TRAF3IP1: variants seen among roughly 807,000 people sequenced by gnomAD.
TRAF3IP1 encodes intraflagellar transport 54, also known as TRAF3-interacting protein 1.
Under a neutral mutation model 89.9 loss-of-function variants are expected in TRAF3IP1, and 53 were observed. That is an observed-to-expected ratio of 0.59 (90% CI 0.47 to 0.74). The LOEUF is 0.74. Among genes scored for constraint, TRAF3IP1 ranks in the 30% least tolerant of loss-of-function variants. The pLI, the probability that TRAF3IP1 is intolerant of heterozygous loss-of-function variation, is 0.00. For synonymous variants in TRAF3IP1, 311 were observed against 322.1 expected, an observed-to-expected ratio of 0.97 and a Z score of 0.37; for missense variants, 806 against 866.1, an observed-to-expected ratio of 0.93 and a Z score of 0.87.
chr2:238,356,196 A>G (rs1168845510), intron 15 of TRAF3IP1, 116 bp downstream of exon 15: 2 of 896,116 alleles, frequency 2.2e-6, no homozygotes, highest in Admixed American at 2.2e-5. Context: ...GTCTGTTTGC[A>G]TATTTAAATG....
intron 8 of TRAF3IP1, among the ~76,000 whole-genome samples, chr2:238,340,812 C>CGTGTGT (rs71414327): frequency 0.075 from 11,185 of 149,342 alleles, 463 homozygotes; most frequent in Non-Finnish European, 0.077. Context: ...TACAGTTATG[C>CGTGTGT]GTGTGTGTGT....
At chr2:238,355,947 A>G (rs1289689430) in intron 14 of TRAF3IP1, 57 bp from the exon 15 acceptor site, 12 of 1,325,922 alleles carry the variant, frequency 9.1e-6, no homozygotes, top group Non-Finnish European at 1.3e-5. Flanking sequence ...CCCATTTAGA[A>G]TAGGTTTTTG....
chr2:238,366,511 G>A (rs1699882872), intron 15 of TRAF3IP1, among the ~76,000 whole-genome samples: 1 of 151,998 alleles, frequency 6.6e-6, no homozygotes, highest in Non-Finnish European at 1.5e-5. Context: ...TAGCTGTATT[G>A]TCACAAACAT....
chr2:238,381,898 A>G lies in TRAF3IP1; in HGVS notation c.1690-15561A>G, dbSNP rs566753274. ...AAAATGACATGAAGACAGGCTGAGA[A>G]GGAAAGGGGCTGGCGGGTAGGAAGC... On this transcript the variant is annotated intron_variant, in intron 15 of 16. Coordinates refer to ENST00000373327, the MANE Select transcript of TRAF3IP1 (RefSeq NM_015650.4). Among the ~76,000 whole-genome samples, 3 of 152,280 alleles carry G rather than the reference A, an allele frequency of 2.0e-5. No individual in the cohort carries two copies. The East Asian group carries it at 5.8e-4, about 29-fold the overall frequency.
rs566674859 is a variant in TRAF3IP1 at position 238,347,354 on chromosome 2, A to G, written c.1262-101A>G. 2.9e-4 allele frequency: 368 copies of G among 1,281,888 alleles called. 1 individual carries two copies. The highest frequency in any genetic ancestry group is 3.9e-4 in the Non-Finnish European group (350 of 891,952). 79.4% of individuals were successfully genotyped at this position (1,281,888 alleles called of 1,614,324 possible). A position where few individuals can be genotyped will look rare whatever the true frequency, so the allele number is the denominator to read the frequency against. ...ATCTTTTTTTCTTAGCAGACATCCA[A>G]AATTATGTACAGTGTGTTTTTTCTC... On this transcript the variant is annotated intron_variant, in intron 9 of 16. Coordinates refer to ENST00000373327, the MANE Select transcript of TRAF3IP1 (RefSeq NM_015650.4).
rs142505640 is a variant in TRAF3IP1 at position 238,374,426 on chromosome 2, G to A, written c.1689+18346G>A. 1.0e-3 allele frequency among the ~76,000 whole-genome samples: 157 copies of A among 152,274 alleles called. 2 individuals carry two copies. The highest frequency in any genetic ancestry group is 3.5e-3 in the African/African-American group (147 of 41,550). ...CGGTTCTGTTTATGTGATGGATTAC[G>A]TTTATTGATTTGTGTGTGTTGAACC... On this transcript the variant is annotated intron_variant, in intron 15 of 16. Transcript: ENST00000373327.
At chr2:238,346,314 C>T (rs1698891822) in intron 9 of TRAF3IP1, among the ~76,000 whole-genome samples, 1 of 152,178 alleles carries the variant, frequency 6.6e-6, no homozygotes, top group Admixed American at 6.5e-5. Context: ...CTATCTGGAA[C>T]CACATTCTCC....
At chr2:238,392,088 G>A (rs575967713) in intron 15 of TRAF3IP1, among the ~76,000 whole-genome samples, 3 of 152,176 alleles carry the variant, frequency 2.0e-5, no homozygotes, top group African/African-American at 7.2e-5. Context: ...AATAATAGAC[G>A]CCCAGGTGTG....
intron 15 of TRAF3IP1, among the ~76,000 whole-genome samples, chr2:238,383,033 G>A (rs928141393): frequency 6.6e-6 from 1 of 152,052 alleles, no homozygotes; most frequent in Admixed American, 6.6e-5. Context: ...CCACCTCCCT[G>A]CCTGTCTCTA....
At chr2:238,349,500 A>G (rs1364696942) in intron 12 of TRAF3IP1, 92 bp downstream of exon 12, 6 of 1,317,680 alleles carry the variant, frequency 4.6e-6, no homozygotes, top group Non-Finnish European at 6.4e-6. Flanking sequence ...GGGAAGCAGC[A>G]CATGGTGCTG....
In TRAF3IP1 at chr2:238,353,993, C is replaced by G. The variant is rs934561262; in HGVS notation, c.1612+784C>G. Reference sequence around the variant, plus strand: ...TTCGCTACGTTGGCCAGGCTGGTCTCCAATTTCTAACCTCAAGTGATCCAC... The same window carrying G: ...TTCGCTACGTTGGCCAGGCTGGTCTGCAATTTCTAACCTCAAGTGATCCAC... On this transcript the variant is annotated intron_variant, in intron 14 of 16. Transcript: ENST00000373327. Among the ~76,000 whole-genome samples, 3 of 152,162 alleles carry G rather than the reference C, an allele frequency of 2.0e-5. No homozygotes were observed. The East Asian group carries it at 5.8e-4, about 29-fold the overall frequency.
chr2:238,335,513 C>T (rs985446870), intron 7 of TRAF3IP1, among the ~76,000 whole-genome samples: 1 of 151,988 alleles, frequency 6.6e-6, no homozygotes, highest in Non-Finnish European at 1.5e-5. Context: ...AAGTTTTAAG[C>T]CATCTTATTT....
chr2:238,329,369 T>C, intron 5 of TRAF3IP1, 27 bp downstream of exon 5: 1 of 1,340,964 alleles, frequency 7.5e-7, no homozygotes. Flanking sequence ...AACCTCGCCT[T>C]TTGCTTAGCA....
intron 8 of TRAF3IP1, among the ~76,000 whole-genome samples, chr2:238,339,067 G>A (rs148550172): frequency 1.3e-5 from 2 of 152,290 alleles, no homozygotes; most frequent in East Asian, 3.9e-4. Flanking sequence ...GACTTTAGGG[G>A]AAGAGGAAAT....
chr2:238,370,289 G>C (rs1224460644), intron 15 of TRAF3IP1, among the ~76,000 whole-genome samples: 2 of 151,990 alleles, frequency 1.3e-5, no homozygotes, highest in African/African-American at 4.8e-5. Context: ...GTGTCTGTGT[G>C]TGCATGTGTG....
Position 238,320,592 on chromosome 2 carries a change from C to CG in TRAF3IP1, c.-71_-70insG, listed in dbSNP as rs1697469818. The CG allele has an allele frequency of 3.6e-6, 4 of 1,106,878 alleles. No individual in the cohort carries two copies. The African/African-American group carries it at 5.0e-5, about 14-fold the overall frequency. 68.6% of individuals were successfully genotyped at this position (1,106,878 alleles called of 1,614,324 possible). On this transcript the variant is annotated 5_prime_UTR_variant, in exon 1 of 17. An upstream open reading frame in the 5' UTR loses its in-frame stop. Transcript: ENST00000373327. ...CGGCGGCGGCGGGGCCGGCGGCGGC[C>CG]AGGGACCCGGGCTTAGGCTCGGCCA...
intron 9 of TRAF3IP1, among the ~76,000 whole-genome samples, chr2:238,346,184 G>A (rs1481292643): frequency 6.6e-6 from 1 of 152,140 alleles, no homozygotes; most frequent in African/African-American, 2.4e-5. Context: ...ACAGCCATGA[G>A]GAAAAGATCT....
At chr2:238,350,655 T>C (rs1007263769) in intron 12 of TRAF3IP1, among the ~76,000 whole-genome samples, 1 of 152,132 alleles carries the variant, frequency 6.6e-6, no homozygotes, top group Non-Finnish European at 1.5e-5. Flanking sequence ...CCTCCTACAA[T>C]GCACAGGACA....
At chr2:238,355,125 G>A (rs1271206337) in intron 14 of TRAF3IP1, among the ~76,000 whole-genome samples, 1 of 152,184 alleles carries the variant, frequency 6.6e-6, no homozygotes, top group African/African-American at 2.4e-5. Context: ...AGGCATTAGT[G>A]TTGTTTACCT....
Sources: allele counts gnomAD v4.1 joint callset (sites outside exome capture counted in the v4.1 genomes callset), GRCh38; gene constraint gnomAD v4.1.1; transcripts MANE v1.5; gene names NCBI Gene and HGNC (gene_info 2026-07-23, HGNC 2026-07-21).